The following PIKFYVE variants were observed in gnomAD, a reference collection of about 807,000 sequenced individuals.
PIKFYVE encodes phosphoinositide kinase, FYVE-type zinc finger containing, also known as 1-phosphatidylinositol 3-phosphate 5-kinase.
A neutral mutation model predicts 257.9 loss-of-function variants in PIKFYVE; 122 were observed. That is an observed-to-expected ratio of 0.47 (90% confidence interval 0.41 to 0.55). The LOEUF (loss-of-function observed/expected upper bound fraction) is 0.55. PIKFYVE is among the 20% of genes least tolerant of loss of function. The pLI is 0.00. For missense variants in PIKFYVE, 2,160 were observed against 2,536.6 expected, an observed-to-expected ratio of 0.85 and a Z score of 3.19; for synonymous variants, 892 against 868.9, an observed-to-expected ratio of 1.03 and a Z score of -0.47.
chr2:208,285,963 G>T (rs773395172), intron 6 of PIKFYVE, 30 bp downstream of exon 6: 2 of 1,593,310 alleles, frequency 1.3e-6, no homozygotes, highest in Admixed American at 1.7e-5. Flanking sequence ...ATTTTATTTA[G>T]AGTTGAAAAA....
chr2:208,324,235 G>T lies in PIKFYVE; in HGVS notation c.2284G>T (p.Asp762Tyr). The change falls in exon 18 of 42, where the codon GAC becomes TAC. Residue 762 changes from aspartate (D) to tyrosine (Y), a missense_variant. Around this residue, in one of 12 missense-constraint regions of PIKFYVE, gnomAD observed 346 missense variants for 365.6 expected, o/e 0.95. Coordinates refer to ENST00000264380, the MANE Select transcript of PIKFYVE (RefSeq NM_015040.4). The stretch of plus-strand genomic sequence containing the variant: ...GAAAACAGTGTCTCGGATTGCCCAG[G>T]ACATGTTATTGGAACATGGCATTAC... Reference protein sequence around the residue: ...VEKTVSRIAQDMLLEHGITLV... With the variant: ...VEKTVSRIAQYMLLEHGITLV... 6.2e-7 allele frequency: 1 copy of T among 1,613,976 alleles called. No individual in the cohort carries two copies. Among genetic ancestry groups the T allele is most frequent in the Non-Finnish European group, 8.5e-7 (1 of 1,179,950 alleles).
rs1691512855 is a variant in PIKFYVE at position 208,285,924 on chromosome 2, C to T, written c.812C>T (p.Ala271Val). 1 of 1,613,594 alleles carries T rather than the reference C, an allele frequency of 6.2e-7. No homozygotes were observed. The highest frequency in any genetic ancestry group is 1.1e-5 in the South Asian group (1 of 91,076). ...SRNIFLEDDL[A>V]WQSLIHPDSS... ...AACATATTTTTAGAGGATGATTTGG[C>T]CTGGCAAAGGTATTGTCCCTTAAAT... The change falls in exon 6 of 42, where the codon GCC (alanine) becomes GTC (valine). Residue 271 changes from alanine to valine, a missense_variant. By Grantham distance (64) the Ala-to-Val change is moderately conservative. Transcript: ENST00000264380.
chr2:208,331,478 A>G (rs1459188559), intron 23 of PIKFYVE, among the ~76,000 whole-genome samples: 3 of 152,102 alleles, frequency 2.0e-5, no homozygotes, highest in Non-Finnish European at 2.9e-5. Flanking sequence ...CCTGAGTTCA[A>G]GCTGTTCTCT....
chr2:208,331,858 T>C (rs866026134), intron 23 of PIKFYVE, among the ~76,000 whole-genome samples: 35 of 152,258 alleles, frequency 2.3e-4, no homozygotes, highest in African/African-American at 8.4e-4. Flanking sequence ...ATAATTGTTC[T>C]TACCGACTTT....
chr2:208,311,167 T>A (rs977104345), intron 12 of PIKFYVE, among the ~76,000 whole-genome samples: 1 of 152,138 alleles, frequency 6.6e-6, no homozygotes, highest in Non-Finnish European at 1.5e-5. Flanking sequence ...TGGAGTCTCA[T>A]ATAGATACAA....
intron 8 of PIKFYVE, among the ~76,000 whole-genome samples, chr2:208,300,558 C>T (rs2125317325): frequency 6.6e-6 from 1 of 152,262 alleles, no homozygotes; most frequent in Middle Eastern, 3.4e-3. Flanking sequence ...CAGTTGGGTA[C>T]ACAGTGAGAA....
At chr2:208,330,474 G>C in intron 22 of PIKFYVE, 49 bp from the exon 23 acceptor site, 2 of 1,609,138 alleles carry the variant, frequency 1.2e-6, no homozygotes, top group Non-Finnish European at 1.7e-6. Flanking sequence ...CAGTGGTTCT[G>C]ATTTCTGTTT....
At chr2:208,339,908 A>G (rs1698540850) in intron 30 of PIKFYVE, 103 bp from the exon 31 acceptor site, 2 of 1,310,596 alleles carry the variant, frequency 1.5e-6, no homozygotes, top group Non-Finnish European at 1.1e-6. Flanking sequence ...TTGGTATAGT[A>G]TACATATGTC....
Position 208,315,223 on chromosome 2 carries a change from A to G in PIKFYVE, c.1857A>G (p.Leu619=), listed in dbSNP as rs1695360623. The part of the protein sequence containing the change: ...LSANHNHMMA[L]LQQLLHSDSL... ...CTAATCATAACCACATGATGGCACT[A>G]CTCCAGCAGTTGCTCCATAGTGACT... The change falls in exon 15 of 42, where the codon CTA becomes CTG. Residue 619 remains leucine (L), a synonymous_variant. Coordinates refer to ENST00000264380, the MANE Select transcript of PIKFYVE (RefSeq NM_015040.4). 6.2e-7 allele frequency: 1 copy of G among 1,613,916 alleles called. No individual in the cohort carries two copies. Among genetic ancestry groups the G allele is most frequent in the Non-Finnish European group, 8.5e-7 (1 of 1,179,966 alleles).
intron 5 of PIKFYVE, among the ~76,000 whole-genome samples, chr2:208,284,412 C>T (rs546592333): frequency 9.2e-5 from 14 of 152,170 alleles, no homozygotes; most frequent in South Asian, 8.3e-4. Context: ...AGGCACCCGC[C>T]GCCATGCCTG....
chr2:208,281,122 G>A (rs1690748889), intron 5 of PIKFYVE, among the ~76,000 whole-genome samples: 1 of 152,204 alleles, frequency 6.6e-6, no homozygotes, highest in African/African-American at 2.4e-5. Context: ...GTGGTTGAAA[G>A]GTTATGTCCT....
Position 208,288,838 on chromosome 2 carries a change from C to A in PIKFYVE, c.911+20C>A, listed in dbSNP as rs753060798. On this transcript the variant is annotated intron_variant, in intron 7 of 41. Coordinates refer to ENST00000264380, the MANE Select transcript of PIKFYVE (RefSeq NM_015040.4). Reference sequence around the variant, plus strand: ...AAATAGGTAAACTGACAAATGAAAACACTGTGCTCTCTGATGTTTATTTCT... The same window carrying A: ...AAATAGGTAAACTGACAAATGAAAAAACTGTGCTCTCTGATGTTTATTTCT... The A allele has an allele frequency of 6.2e-7, 1 of 1,612,092 alleles. No homozygotes were observed. Among genetic ancestry groups the A allele is most frequent in the East Asian group, 2.2e-5 (1 of 44,812 alleles).
chr2:208,274,143 C>A, intron 3 of PIKFYVE: 1 of 1,385,728 alleles, frequency 7.2e-7, no homozygotes, highest in Non-Finnish European at 1.0e-6. Context: ...AGAACTCTGT[C>A]AACTCCATTA....
At chr2:208,299,036 C>T (rs1208548375) in intron 8 of PIKFYVE, among the ~76,000 whole-genome samples, 1 of 151,826 alleles carries the variant, frequency 6.6e-6, no homozygotes, top group Non-Finnish European at 1.5e-5. Flanking sequence ...GACATGGTTT[C>T]GCCCTGTTGG....
At chr2:208,312,153 A>G (rs1214392784) in intron 12 of PIKFYVE, 83 bp from the exon 13 acceptor site, 12 of 1,002,198 alleles carry the variant, frequency 1.2e-5, no homozygotes, top group Non-Finnish European at 1.9e-5. Context: ...GTGTGGGCGT[A>G]TTCTCTATAT....
chr2:208,309,617 G>T (rs902288383), intron 12 of PIKFYVE, among the ~76,000 whole-genome samples: 5 of 152,164 alleles, frequency 3.3e-5, no homozygotes, highest in Non-Finnish European at 5.9e-5. Context: ...GAAAAAAGAC[G>T]TGGTGTTTCC....
chr2:208,272,054 G>T (rs570556818), intron 2 of PIKFYVE, among the ~76,000 whole-genome samples: 1 of 152,202 alleles, frequency 6.6e-6, no homozygotes, highest in South Asian at 2.1e-4. Flanking sequence ...CTAACACGGT[G>T]AAATCCCGTC....
rs116687093 is a variant in PIKFYVE at position 208,293,522 on chromosome 2, C to T, written c.911+4704C>T. On this transcript the variant is annotated intron_variant, in intron 7 of 41. Coordinates refer to ENST00000264380, the MANE Select transcript of PIKFYVE (RefSeq NM_015040.4). ...TTGTCTAAGAAAGGCTTTACTTCTCCTTCACTTTTGAAGGGTATCATCAGG... is the reference window on the plus strand; with the variant it reads ...TTGTCTAAGAAAGGCTTTACTTCTCTTTCACTTTTGAAGGGTATCATCAGG... Among the ~76,000 whole-genome samples the T allele has an allele frequency of 8.7e-3, 1,331 of 152,218 alleles. 11 individuals carry two copies. The highest frequency in any genetic ancestry group is 0.03 in the African/African-American group (1,236 of 41,542).
intron 23 of PIKFYVE, among the ~76,000 whole-genome samples, chr2:208,332,256 CTT>C (rs1161495203): frequency 6.6e-6 from 1 of 152,120 alleles, no homozygotes; most frequent in Admixed American, 6.6e-5. Flanking sequence ...AGTAAAATCT[CTT>C]TAAAATTTTT....
Sources: allele counts gnomAD v4.1 joint callset (sites outside exome capture counted in the v4.1 genomes callset), GRCh38; gene constraint gnomAD v4.1.1; regional missense constraint gnomAD v4.1.1; transcripts MANE v1.5; gene names NCBI Gene and HGNC (gene_info 2026-07-23, HGNC 2026-07-21).